The following NALF1 variants were observed in gnomAD, a reference collection of about 807,000 sequenced individuals.
NALF1 encodes the protein NALCN channel auxiliary factor 1.
NALF1 carries 3 observed loss-of-function variants against 48.4 expected under a neutral mutation model. The ratio of observed to expected loss-of-function variants is 0.06; its 90% CI spans 0.03 to 0.16. The LOEUF (loss-of-function observed/expected upper bound fraction) is 0.16, where lower values mean the gene tolerates loss of function less well. Ranked by LOEUF, NALF1 falls within the 10% of genes least tolerant of loss-of-function variation. NALF1 has a pLI of 1.00. For missense variants in NALF1, 526 were observed against 571.5 expected (o/e 0.92, Z 0.81); for synonymous variants, 262 against 245.7 (o/e 1.07, Z -0.62).
intron 1 of NALF1, among the ~76,000 whole-genome samples, chr13:107,429,924 C>G (rs770128359): frequency 3.7e-4 from 56 of 152,108 alleles, no homozygotes; most frequent in Non-Finnish European, 7.2e-4. Flanking sequence ...TTTTTCTATG[C>G]CCTAGCTTAT....
At chr13:107,470,262 T>C (rs1885078618) in intron 1 of NALF1, among the ~76,000 whole-genome samples, 2 of 152,220 alleles carry the variant, frequency 1.3e-5, no homozygotes, top group African/African-American at 4.8e-5. Flanking sequence ...TATTTGACAC[T>C]TTAGTGAGGT....
intron 1 of NALF1, among the ~76,000 whole-genome samples, chr13:107,600,669 G>A (rs184206009): frequency 6.6e-6 from 1 of 152,122 alleles, no homozygotes; most frequent in Admixed American, 6.5e-5. Context: ...TAGAAAGAGA[G>A]GTAAATAATA....
intron 1 of NALF1, among the ~76,000 whole-genome samples, chr13:107,405,150 C>G (rs913579903): frequency 6.6e-6 from 1 of 151,954 alleles, no homozygotes; most frequent in Non-Finnish European, 1.5e-5. Flanking sequence ...TATATGGCAG[C>G]CATTCAATTT....
At chr13:107,690,284 C>A (rs1333504589) in intron 1 of NALF1, among the ~76,000 whole-genome samples, 4 of 152,118 alleles carry the variant, frequency 2.6e-5, no homozygotes, top group African/African-American at 9.7e-5. Flanking sequence ...AGAATGTTTA[C>A]AATTCAAAAA....
In NALF1 at chr13:107,352,311, G is replaced by T. The variant is rs961739192; in HGVS notation, c.916-141556C>A. 4.6e-5 allele frequency among the ~76,000 whole-genome samples: 7 copies of T among 152,292 alleles called. No individual in the cohort carries two copies. The East Asian group carries it at 5.8e-4, about 13-fold the overall frequency. ...TGTGGGCAGGAAGTAAGTTTTTCAG[G>T]TTTCTCTGGGGTCCCCTTGGCCAGG... On this transcript the variant is annotated intron_variant, in intron 1 of 2. Coordinates refer to ENST00000375915, the MANE Select transcript of NALF1 (RefSeq NM_001080396.3).
intron 2 of NALF1, among the ~76,000 whole-genome samples, chr13:107,174,404 G>C: frequency 6.6e-6 from 1 of 151,184 alleles, no homozygotes; most frequent in Non-Finnish European, 1.5e-5. Flanking sequence ...TCGCCAGGCT[G>C]GAGCTCGGTG....
At chr13:107,832,775 A>G (rs1011887482) in intron 1 of NALF1, among the ~76,000 whole-genome samples, 9 of 152,090 alleles carry the variant, frequency 5.9e-5, no homozygotes, top group African/African-American at 2.2e-4. Context: ...TAATTACAAG[A>G]ATCTCCTAAG....
chr13:107,200,412 C>T (rs1430189382), intron 2 of NALF1, among the ~76,000 whole-genome samples: 2 of 152,146 alleles, frequency 1.3e-5, no homozygotes, highest in African/African-American at 2.4e-5. Context: ...GGTTAAGGAG[C>T]TTGCAGACTC....
At chr13:107,660,947 G>T (rs1376486191) in intron 1 of NALF1, among the ~76,000 whole-genome samples, 1 of 151,682 alleles carries the variant, frequency 6.6e-6, no homozygotes, top group East Asian at 1.9e-4. Flanking sequence ...CTAAAAATTT[G>T]TCTAAAAAAA....
intron 1 of NALF1, among the ~76,000 whole-genome samples, chr13:107,325,336 C>G (rs1250025244): frequency 6.6e-6 from 1 of 152,082 alleles, no homozygotes; most frequent in South Asian, 2.1e-4. Context: ...TTTATTTTTT[C>G]CAAATTCTTT....
chr13:107,625,161 C>T (rs959438087), intron 1 of NALF1, among the ~76,000 whole-genome samples: 1 of 152,078 alleles, frequency 6.6e-6, no homozygotes, highest in Non-Finnish European at 1.5e-5. Context: ...TCCACTAGCA[C>T]CTGATAATTT....
intron 1 of NALF1, among the ~76,000 whole-genome samples, chr13:107,738,029 C>T (rs1876518381): frequency 6.6e-6 from 1 of 152,016 alleles, no homozygotes; most frequent in South Asian, 2.1e-4. Flanking sequence ...TACTAAGACA[C>T]AAAACTATTT....
At chr13:107,394,718 A>C (rs2138985951) in intron 1 of NALF1, among the ~76,000 whole-genome samples, 1 of 152,306 alleles carries the variant, frequency 6.6e-6, no homozygotes, top group South Asian at 2.1e-4. Context: ...ACTAAGGCAA[A>C]CTTTTCATAG....
chr13:107,297,136 C>T (rs189401313), intron 1 of NALF1, among the ~76,000 whole-genome samples: 23 of 152,188 alleles, frequency 1.5e-4, no homozygotes, highest in Middle Eastern at 3.4e-3. Flanking sequence ...ATGGGCTTCT[C>T]CTCCACAATT....
chr13:107,745,813 T>A (rs1344510361), intron 1 of NALF1, among the ~76,000 whole-genome samples: 5 of 152,122 alleles, frequency 3.3e-5, no homozygotes, highest in East Asian at 1.9e-4. Flanking sequence ...GTGAGTGAGT[T>A]CTCATGAGAT....
At chr13:107,597,547 A>C (rs1489133741) in intron 1 of NALF1, among the ~76,000 whole-genome samples, 1 of 152,132 alleles carries the variant, frequency 6.6e-6, no homozygotes, top group Non-Finnish European at 1.5e-5. Context: ...ATATCTTCCC[A>C]GGGCTTTTGT....
chr13:107,786,259 A>T (rs983122829), intron 1 of NALF1, among the ~76,000 whole-genome samples: 1 of 151,768 alleles, frequency 6.6e-6, no homozygotes, highest in Non-Finnish European at 1.5e-5. Context: ...TCTACTAAAA[A>T]TACAAAATTA....
intron 1 of NALF1, among the ~76,000 whole-genome samples, chr13:107,679,156 T>C (rs1447269376): frequency 2.0e-5 from 3 of 152,230 alleles, no homozygotes; most frequent in Non-Finnish European, 4.4e-5. Context: ...TTTAAATATG[T>C]TAAAATATGA....
chr13:107,818,813 A>T (rs1294354084), intron 1 of NALF1, among the ~76,000 whole-genome samples: 1 of 130,144 alleles, frequency 7.7e-6, no homozygotes, highest in South Asian at 2.8e-4. Flanking sequence ...CGGAGCTTGC[A>T]GTGAGCCGAG....
Sources: gnomAD v4.1 joint callset for allele counts (sites outside exome capture counted in the v4.1 genomes callset) on GRCh38, gnomAD v4.1.1 for gene constraint, MANE v1.5 for transcripts, NCBI Gene and HGNC (gene_info 2026-07-23, HGNC 2026-07-21) for gene names.